Variants in ZSCAN23 observed in about 807,000 individuals in gnomAD.
ZSCAN23 encodes zinc finger and SCAN domain containing 23.
ZSCAN23 carries 19 observed loss-of-function variants against 19.3 expected under a neutral mutation model. That is an observed-to-expected ratio of 0.99 (90% CI 0.69 to 1.45). The LOEUF is 1.45. Among genes scored for constraint, ZSCAN23 ranks in the 40% most tolerant of loss-of-function variants. The pLI is 0.00. For synonymous variants in ZSCAN23, 140 were observed against 166.2 expected (o/e 0.84, Z 1.21); for missense variants, 372 against 462.5 (o/e 0.80, Z 1.79).
chr6:28,435,850 T>A lies in ZSCAN23; in HGVS notation c.408+9A>T. 6.4e-7 allele frequency: 1 copy of A among 1,562,676 alleles called. No homozygotes were observed. Among genetic ancestry groups the A allele is most frequent in the Non-Finnish European group, 8.6e-7 (1 of 1,158,594 alleles). Reference sequence around the variant, plus strand: ...ATAGGTACAAATCCCTGTTCTCCCATCTTCTCACCTGCTCTCCTGGGTCAT... The same window carrying A: ...ATAGGTACAAATCCCTGTTCTCCCAACTTCTCACCTGCTCTCCTGGGTCAT... On this transcript the variant is annotated intron_variant, in intron 2 of 3. Transcript: ENST00000289788.
At chr6:28,431,205 C>T (rs543560104), downstream of ZSCAN23, among the ~76,000 whole-genome samples, 4 of 152,178 alleles carry the variant, frequency 2.6e-5, no homozygotes, top group Non-Finnish European at 5.9e-5. Flanking sequence ...GGTGGCTACA[C>T]CTAAGTCTCC....
chr6:28,435,864 C>T lies in ZSCAN23; in HGVS notation c.403G>A (p.Glu135Lys), dbSNP rs377273737. 1.5e-4 allele frequency: 241 copies of T among 1,592,722 alleles called. No homozygotes were observed. Among genetic ancestry groups the T allele is most frequent in the Middle Eastern group, 3.4e-4 (2 of 5,936 alleles). The change falls in exon 2 of 4, where the codon GAG becomes AAG. Residue 135 changes from glutamate to lysine, a missense_variant. By Grantham distance (56) the Glu-to-Lys change is moderately conservative (BLOSUM62 1). Coordinates refer to ENST00000289788, the MANE Select transcript of ZSCAN23 (RefSeq NM_001012455.2). ...DLERELDDPG[E>K]QVLSHAHEQE... ...CTGTTCTCCCATCTTCTCACCTGCT[C>T]TCCTGGGTCATCCAGCTCTCTCTCC...
chr6:28,437,906 G>C (rs1408558487), intron 1 of ZSCAN23, among the ~76,000 whole-genome samples: 4 of 151,610 alleles, frequency 2.6e-5, no homozygotes, highest in South Asian at 2.1e-4. Flanking sequence ...TTCATTAAAA[G>C]ACAAAACAAA....
In ZSCAN23 at chr6:28,434,834, G is replaced by A. The variant is rs766528241; in HGVS notation, c.801C>T (p.His267=). 3.0e-5 allele frequency: 48 copies of A among 1,591,146 alleles called. No homozygotes were observed. The highest frequency in any genetic ancestry group is 3.9e-5 in the Non-Finnish European group (46 of 1,168,670). Residue 267 remains histidine, a synonymous_variant, in exon 4 of 4, where the codon CAC becomes CAT. Coordinates refer to ENST00000289788, the MANE Select transcript of ZSCAN23 (RefSeq NM_001012455.2). ...SFTQNSILIE[H]QRTHTGEKPY... ...GCTTCTCACCTGTGTGTGTTCTCTG[G>A]TGCTCGATAAGGATGGAATTCTGGG...
chr6:28,436,330 G>GC lies in ZSCAN23; in HGVS notation c.-65_-64insG. The GC allele has an allele frequency of 1.4e-6, 2 of 1,396,404 alleles. No homozygotes were observed. Among genetic ancestry groups the GC allele is most frequent in the East Asian group, 2.6e-5 (1 of 39,112 alleles). The allele number at this position is 1,396,404 out of a possible 1,614,324, so 86.5% of individuals were successfully genotyped here. The stretch of plus-strand genomic sequence containing the variant: ...TAATTCTCCCTTGATCTTTTCTTCT[G>GC]GAAACCCCGAGATCTAGACAATAAT... On this transcript the variant is annotated 5_prime_UTR_variant, in exon 2 of 4. It removes the in-frame stop codon of an upstream open reading frame in the 5' UTR. Coordinates refer to ENST00000289788, the MANE Select transcript of ZSCAN23 (RefSeq NM_001012455.2).
In ZSCAN23 at chr6:28,432,886, T is replaced by C. The variant is rs1761787421; in HGVS notation, c.*1579A>G. The C allele has an allele frequency of 1.3e-5, 2 of 152,128 alleles. No homozygotes were observed. Among genetic ancestry groups the C allele is most frequent in the African/African-American group, 2.4e-5 (1 of 41,444 alleles). The allele number at this position is 152,128 out of a possible 1,614,324, so 9.4% of individuals were successfully genotyped here. A position where few individuals can be genotyped will look rare whatever the true frequency, so the allele number is the denominator to read the frequency against. ...AAGATTATACATTCATATTTGCCTA[T>C]ATTTACATAAAGAAACACTGAAAGA... is the stretch of plus-strand genomic sequence containing the variant. On this transcript the variant is annotated 3_prime_UTR_variant, in exon 4 of 4. Coordinates refer to ENST00000289788, the MANE Select transcript of ZSCAN23 (RefSeq NM_001012455.2).
the ZSCAN23 span, among the ~76,000 whole-genome samples, chr6:28,422,708 T>TAA: frequency 6.6e-5 from 10 of 151,550 alleles, no homozygotes; most frequent in African/African-American, 1.7e-4. The surrounding 1 kb of genome is among the most constrained non-coding windows in gnomAD (Gnocchi z 4.0). Context: ...CAGGATTTTT[T>TAA]AAAAAAAACA....
downstream of ZSCAN23, among the ~76,000 whole-genome samples, chr6:28,431,657 C>T (rs1761763523): frequency 6.9e-6 from 1 of 145,686 alleles, no homozygotes; most frequent in African/African-American, 2.6e-5. Context: ...TCAAGGAGAT[C>T]TAAAAATCAC....
chr6:28,425,563 A>G, the ZSCAN23 span, among the ~76,000 whole-genome samples: 1 of 152,154 alleles, frequency 6.6e-6, no homozygotes, highest in Non-Finnish European at 1.5e-5. Context: ...TCCTGGGCTC[A>G]GCAATCCTCC....
At chr6:28,430,657 C>G (rs547023073), downstream of ZSCAN23, among the ~76,000 whole-genome samples, 1 of 152,156 alleles carries the variant, frequency 6.6e-6, no homozygotes, top group East Asian at 1.9e-4. Context: ...GGGAGGCCAC[C>G]ACCACCCCCA....
downstream of ZSCAN23, among the ~76,000 whole-genome samples, chr6:28,431,208 A>C (rs1179597058): frequency 6.6e-6 from 1 of 152,236 alleles, no homozygotes; most frequent in East Asian, 1.9e-4. Flanking sequence ...GGCTACACCT[A>C]AGTCTCCAAC....
rs755298909 is a variant in ZSCAN23 at position 28,435,486 on chromosome 6, C to T, written c.530G>A (p.Arg177Gln). ...AATCTCTTGAACTGGGCACACCTCTCGCAAATTATACCCAAGTTGCTCTTC... is the reference window on the plus strand; with the variant it reads ...AATCTCTTGAACTGGGCACACCTCTTGCAAATTATACCCAAGTTGCTCTTC... The part of the protein sequence containing the change: ...TLEEQLGYNL[R>Q]EVCPVQEIDG... The change falls in exon 3 of 4, where the codon CGA becomes CAA. Residue 177 changes from arginine (R) to glutamine (Q), a missense_variant. Coordinates refer to ENST00000289788, the MANE Select transcript of ZSCAN23 (RefSeq NM_001012455.2). 17 of 1,551,832 alleles carry T rather than the reference C, an allele frequency of 1.1e-5. No individual in the cohort carries two copies. The highest frequency in any genetic ancestry group is 8.3e-5 in the South Asian group (7 of 84,052).
downstream of ZSCAN23, among the ~76,000 whole-genome samples, chr6:28,431,278 TTC>T (rs533179474): frequency 4.6e-5 from 7 of 152,340 alleles, no homozygotes; most frequent in South Asian, 1.2e-3. Flanking sequence ...ATCTTTCTGA[TTC>T]TCTGTCTTTT....
chr6:28,435,430 T>C, intron 3 of ZSCAN23, 30 bp downstream of exon 3: 5 of 1,547,654 alleles, frequency 3.2e-6, no homozygotes, highest in Middle Eastern at 1.7e-4. Context: ...GGGAATGAGG[T>C]AGGCTGTCTG....
chr6:28,436,905 A>T lies in ZSCAN23; in HGVS notation c.-77-562T>A, dbSNP rs79127618. Among the ~76,000 whole-genome samples the T allele has an allele frequency of 4.3e-3, 656 of 152,292 alleles. 4 individuals are homozygous for T. The highest frequency in any genetic ancestry group is 0.015 in the African/African-American group (606 of 41,570). ...TGTAAGGTCTTGGACTGAGACATCA[A>T]CCTGCAGGTATTCCCTCCAGAGTCT... On this transcript the variant is annotated intron_variant, in intron 1 of 3. Transcript: ENST00000289788.
At chr6:28,435,657 C>T in intron 2 of ZSCAN23, 50 bp from the exon 3 acceptor site, 1 of 1,518,044 alleles carries the variant, frequency 6.6e-7, no homozygotes, top group Non-Finnish European at 8.8e-7. Context: ...GAGAACATGG[C>T]AAGGAGGCCT....
intron 1 of ZSCAN23, among the ~76,000 whole-genome samples, chr6:28,436,888 C>G (rs1004457942): frequency 6.6e-6 from 1 of 152,116 alleles, no homozygotes; most frequent in Non-Finnish European, 1.5e-5. Context: ...TGTGTAAGGT[C>G]TTGGACTGAG....
intron 1 of ZSCAN23, among the ~76,000 whole-genome samples, chr6:28,442,198 G>T (rs1455863213): frequency 6.6e-6 from 1 of 152,088 alleles, no homozygotes; most frequent in Non-Finnish European, 1.5e-5. Context: ...TTAACGCAGT[G>T]ATCTTGGGCA....
At chr6:28,442,643 G>C (rs1366114237) in intron 1 of ZSCAN23, among the ~76,000 whole-genome samples, 1 of 152,258 alleles carries the variant, frequency 6.6e-6, no homozygotes, top group Non-Finnish European at 1.5e-5. Context: ...CCGGGTTATA[G>C]CTGTAAAGCT....
Sources: allele counts gnomAD v4.1 joint callset (sites outside exome capture counted in the v4.1 genomes callset), GRCh38; gene constraint gnomAD v4.1.1; non-coding constraint Gnocchi (gnomAD v3.1); transcripts MANE v1.5; gene names NCBI Gene and HGNC (gene_info 2026-07-23, HGNC 2026-07-21).